GALNTL6: variants seen among roughly 807,000 people sequenced by gnomAD.
GALNTL6 encodes the protein polypeptide N-acetylgalactosaminyltransferase like 6.
In GALNTL6, 46 loss-of-function variants were observed where a neutral mutation model predicts 73.7. The observed-to-expected ratio is 0.62, with a 90% confidence interval of 0.49 to 0.80. GALNTL6 has a LOEUF of 0.80. GALNTL6 is among the 30% of genes least tolerant of loss of function. The pLI is 0.00. For synonymous variants in GALNTL6, 259 were observed against 263.7 expected, an observed-to-expected ratio of 0.98 and a Z score of 0.17; for missense variants, 604 against 755.0, an observed-to-expected ratio of 0.80 and a Z score of 2.34.
In GALNTL6 at chr4:172,555,943, G is replaced by C. The variant is rs72704853; in HGVS notation, c.553+207254G>C. On this transcript the variant is annotated intron_variant, in intron 5 of 12. Coordinates refer to ENST00000506823, the MANE Select transcript of GALNTL6 (RefSeq NM_001034845.3). ...AAATGCTAACTATATTATGCACAGT[G>C]TACGACGTGGGTGAGTTAATGTTGC... Among the ~76,000 whole-genome samples, 244 of 152,206 alleles carry C rather than the reference G, an allele frequency of 1.6e-3. 1 individual carries two copies. Among genetic ancestry groups the C allele is most frequent in the Non-Finnish European group, 1.8e-3 (124 of 67,942 alleles).
intron 5 of GALNTL6, among the ~76,000 whole-genome samples, chr4:172,586,475 GAAA>G (rs5864138): frequency 6.1e-4 from 78 of 127,142 alleles, no homozygotes; most frequent in African/African-American, 2.2e-3. Context: ...TGGGAATTCA[GAAA>G]AAAAAAAAAA....
intron 7 of GALNTL6, among the ~76,000 whole-genome samples, chr4:172,845,586 A>G (rs1743467511): frequency 6.6e-6 from 1 of 152,202 alleles, no homozygotes; most frequent in African/African-American, 2.4e-5. Context: ...AAAATCATTG[A>G]GACTAATAAT....
chr4:172,416,823 A>G (rs898585874), intron 5 of GALNTL6, among the ~76,000 whole-genome samples: 5 of 152,176 alleles, frequency 3.3e-5, no homozygotes. Context: ...ATTTAATTTA[A>G]AAATGAGTCT....
At chr4:172,380,321 A>C (rs531922055) in intron 5 of GALNTL6, 9 of 732,994 alleles carry the variant, frequency 1.2e-5, no homozygotes, top group Non-Finnish European at 2.1e-5. Flanking sequence ...TGGAAGAAAT[A>C]GTCCAAGTTT....
At chr4:172,658,264 A>G (rs1207372293) in intron 5 of GALNTL6, among the ~76,000 whole-genome samples, 1 of 150,336 alleles carries the variant, frequency 6.7e-6, no homozygotes, top group Non-Finnish European at 1.5e-5. Flanking sequence ...CAGGAGCTCA[A>G]GACCATCCTG....
intron 2 of GALNTL6, among the ~76,000 whole-genome samples, chr4:172,029,687 C>T (rs940940614): frequency 2.0e-5 from 3 of 152,020 alleles, no homozygotes; most frequent in Non-Finnish European, 4.4e-5. Flanking sequence ...GCATTCATCC[C>T]TAGTGGCTGT....
At chr4:172,711,559 G>A (rs1734706544) in intron 5 of GALNTL6, among the ~76,000 whole-genome samples, 1 of 152,124 alleles carries the variant, frequency 6.6e-6, no homozygotes, top group Admixed American at 6.6e-5. Context: ...ACAAGGTAGG[G>A]TTCCAGGATG....
chr4:172,919,926 T>G (rs985437997), intron 8 of GALNTL6, among the ~76,000 whole-genome samples: 19 of 152,208 alleles, frequency 1.2e-4, no homozygotes, highest in Non-Finnish European at 4.4e-5. Context: ...AAATCGCTGT[T>G]TTTAAGACTG....
At chr4:171,979,176 A>G (rs1739814345) in intron 2 of GALNTL6, among the ~76,000 whole-genome samples, 1 of 152,178 alleles carries the variant, frequency 6.6e-6, no homozygotes, top group East Asian at 1.9e-4. Context: ...GACCCAGAGC[A>G]ATGGACATTA....
intron 5 of GALNTL6, among the ~76,000 whole-genome samples, chr4:172,381,544 C>T (rs1743284922): frequency 6.6e-6 from 1 of 152,098 alleles, no homozygotes; most frequent in Admixed American, 6.5e-5. Context: ...CTGTGGCTTG[C>T]TTTTTTCCTT....
intron 5 of GALNTL6, among the ~76,000 whole-genome samples, chr4:172,491,315 CT>C (rs547462339): frequency 2.7e-5 from 4 of 146,776 alleles, no homozygotes; most frequent in African/African-American, 7.5e-5. Flanking sequence ...TTTTTCCTTG[CT>C]TTTTTTTATT....
At chr4:172,041,425 T>C (rs1188234256) in intron 2 of GALNTL6, among the ~76,000 whole-genome samples, 1 of 152,042 alleles carries the variant, frequency 6.6e-6, no homozygotes, top group African/African-American at 2.4e-5. Context: ...TATTTAAAAT[T>C]AGAAATTTTA....
intron 2 of GALNTL6, chr4:171,816,493 G>C (rs1029496873): frequency 4.6e-5 from 7 of 151,960 alleles, no homozygotes; most frequent in Non-Finnish European, 7.4e-5. Flanking sequence ...TAAAAGACAT[G>C]GGGTGGCAAG....
chr4:172,471,472 G>A (rs1733047063), intron 5 of GALNTL6, among the ~76,000 whole-genome samples: 2 of 152,090 alleles, frequency 1.3e-5, no homozygotes, highest in Non-Finnish European at 2.9e-5. Flanking sequence ...GTTTATTGAT[G>A]CCACTGTGAA....
intron 5 of GALNTL6, among the ~76,000 whole-genome samples, chr4:172,622,021 G>A (rs756055410): frequency 2.0e-5 from 3 of 151,972 alleles, no homozygotes; most frequent in African/African-American, 7.3e-5. Context: ...GCTCTTCCTC[G>A]ATTTGCCATC....
intron 2 of GALNTL6, among the ~76,000 whole-genome samples, chr4:171,944,854 T>C (rs1738657486): frequency 6.6e-6 from 1 of 152,060 alleles, no homozygotes; most frequent in South Asian, 2.1e-4. Flanking sequence ...TTGTCTTTTG[T>C]TGAAGCTAAT....
intron 5 of GALNTL6, among the ~76,000 whole-genome samples, chr4:172,768,382 C>T (rs1368556976): frequency 1.3e-5 from 2 of 152,148 alleles, no homozygotes; most frequent in East Asian, 1.9e-4. Context: ...GGTCCCCAAA[C>T]GCTGGTGGGA....
intron 2 of GALNTL6, among the ~76,000 whole-genome samples, chr4:171,987,846 G>A (rs951863511): frequency 6.6e-6 from 1 of 152,122 alleles, no homozygotes; most frequent in African/African-American, 2.4e-5. Context: ...TGGGGTGAAT[G>A]TCAGGCGCAT....
intron 2 of GALNTL6, among the ~76,000 whole-genome samples, chr4:172,018,103 T>G (rs1449958691): frequency 6.6e-6 from 1 of 152,044 alleles, no homozygotes; most frequent in East Asian, 1.9e-4. Flanking sequence ...GGGAGCAGAG[T>G]TATTCTGTCA....
Sources: gnomAD v4.1 joint callset for allele counts (sites outside exome capture counted in the v4.1 genomes callset) on GRCh38, gnomAD v4.1.1 for gene constraint, MANE v1.5 for transcripts, NCBI Gene and HGNC (gene_info 2026-07-23, HGNC 2026-07-21) for gene names.